Variants in WWTR1 observed in about 807,000 individuals in gnomAD.
WWTR1 encodes WW domain-containing transcription regulator protein 1.
WWTR1 carries 13 observed loss-of-function variants against 40.1 expected under a neutral mutation model. That is an observed-to-expected ratio of 0.32 (90% CI 0.21 to 0.52). WWTR1 has a LOEUF of 0.52. Among genes scored for constraint, WWTR1 ranks in the 20% least tolerant of loss-of-function variants. The pLI is 0.97. For synonymous variants in WWTR1, 230 were observed against 210.1 expected (o/e 1.09, Z -0.82); for missense variants, 436 against 523.1 (o/e 0.83, Z 1.63).
intron 2 of WWTR1, among the ~76,000 whole-genome samples, chr3:149,647,507 G>A (rs1030958882): frequency 2.0e-5 from 3 of 152,094 alleles, no homozygotes; most frequent in Non-Finnish European, 4.4e-5. Flanking sequence ...AGAAAGTACC[G>A]AAAACCACAA....
intron 2 of WWTR1, among the ~76,000 whole-genome samples, chr3:149,622,508 A>G (rs913172787): frequency 7.2e-6 from 1 of 138,954 alleles, no homozygotes; most frequent in Non-Finnish European, 1.6e-5. Flanking sequence ...GAAGGAAGAA[A>G]GAAAGAAAGA....
At chr3:149,545,112 A>T (rs1400779274) in intron 3 of WWTR1, among the ~76,000 whole-genome samples, 1 of 152,198 alleles carries the variant, frequency 6.6e-6, no homozygotes, top group Admixed American at 6.5e-5. Context: ...GATGCCAAAA[A>T]ACCTGAGATG....
At chr3:149,715,013 C>T (rs1045698203) in intron 5 of WWTR1, among the ~76,000 whole-genome samples, 6 of 152,036 alleles carry the variant, frequency 3.9e-5, no homozygotes, top group African/African-American at 9.7e-5. Context: ...GAAAACTCGT[C>T]GGGACACCCT....
chr3:149,615,933 C>A (rs1321676053), intron 2 of WWTR1, among the ~76,000 whole-genome samples: 1 of 151,718 alleles, frequency 6.6e-6, no homozygotes, highest in Non-Finnish European at 1.5e-5. Context: ...ATGAATCAGC[C>A]TCTCTCTGTT....
intron 3 of WWTR1, among the ~76,000 whole-genome samples, chr3:149,554,203 C>T (rs191070369): frequency 4.6e-5 from 7 of 152,214 alleles, no homozygotes; most frequent in East Asian, 1.9e-4. Context: ...ATTTCTCAGC[C>T]GGCTCAGTTG....
rs141347347 is a variant in WWTR1, at chr3:149,559,155, G to A, written c.568+13709C>T. ...CTAAAAATACAAAAATTTGCCAGGC[G>A]TAGTGGCACACACCTGTAGTCCCAG... is the stretch of plus-strand genomic sequence containing the variant. On this transcript the variant is annotated intron_variant, in intron 3 of 6. Transcript: ENST00000360632. Among the ~76,000 whole-genome samples the A allele has an allele frequency of 8.6e-3, 1,302 of 151,900 alleles. 9 individuals are homozygous for A. The highest frequency in any genetic ancestry group is 0.013 in the Non-Finnish European group (888 of 67,924).
Position 149,588,462 on chromosome 3 carries a change from C to T in WWTR1, c.432-15462G>A, listed in dbSNP as rs145344259. Among the ~76,000 whole-genome samples, 952 of 152,208 alleles carry T rather than the reference C, an allele frequency of 6.3e-3. 1 individual carries two copies. The highest frequency in any genetic ancestry group is 0.011 in the Non-Finnish European group (727 of 68,002). ...AATGTATGCTTAAGGATGTCCACAG[C>T]GGTTTTGTTTCTATCTTTAGTGTAT... is the stretch of plus-strand genomic sequence containing the variant. On this transcript the variant is annotated intron_variant, in intron 2 of 6. Coordinates refer to ENST00000360632, the MANE Select transcript of WWTR1 (RefSeq NM_015472.6).
At chr3:149,722,085 C>A (rs1294302932) in intron 4 of WWTR1, among the ~76,000 whole-genome samples, 1 of 152,092 alleles carries the variant, frequency 6.6e-6, no homozygotes, top group African/African-American at 2.4e-5. Context: ...AATGTCCCCA[C>A]TTTAATTTCT....
intron 2 of WWTR1, among the ~76,000 whole-genome samples, chr3:149,642,493 C>T (rs115844960): frequency 0.057 from 8,464 of 149,364 alleles, 575 homozygotes; most frequent in African/African-American, 0.17. Context: ...AAGAGAAATC[C>T]GGCCGGGCAC....
At position 149,600,234 on chromosome 3, in the gene WWTR1, G is replaced by A. The variant is rs1739183143; in HGVS notation, c.432-27234C>T. On this transcript the variant is annotated intron_variant, in intron 2 of 6. Transcript: ENST00000360632. ...ACACAGTGTAATCAAATGGGGCAAGGGCCTATTAATAATAATCTCTTCAAG... is the reference window on the plus strand; with the variant it reads ...ACACAGTGTAATCAAATGGGGCAAGAGCCTATTAATAATAATCTCTTCAAG... 2.0e-5 allele frequency among the ~76,000 whole-genome samples: 3 copies of A among 152,034 alleles called. No individual in the cohort carries two copies. In the South Asian group the frequency reaches 6.2e-4, roughly 32 times the overall value.
chr3:149,520,769 AAG>A lies in WWTR1; in HGVS notation c.*34_*35del. On this transcript the variant is annotated 3_prime_UTR_variant, in exon 7 of 7. Transcript: ENST00000360632. ...TTTTTCCAAGAGGCCCAGGAAATGTAAGGTCATGGCTACATCCAAGTTACAAT... is the reference window on the plus strand; with the variant it reads ...TTTTTCCAAGAGGCCCAGGAAATGTAGTCATGGCTACATCCAAGTTACAAT... 2 of 1,478,006 alleles carry A rather than the reference AAG, an allele frequency of 1.4e-6. No homozygotes were observed. Among genetic ancestry groups the A allele is most frequent in the Non-Finnish European group, 1.8e-6 (2 of 1,114,800 alleles). The allele number at this position is 1,478,006 out of a possible 1,614,324, so 91.6% of individuals were successfully genotyped here. A position where few individuals can be genotyped will look rare whatever the true frequency, so the allele number is the denominator to read the frequency against.
rs1026512044 is a variant in WWTR1, at chr3:149,519,232, G to A, written c.*1573C>T. On this transcript the variant is annotated 3_prime_UTR_variant, in exon 7 of 7. Transcript: ENST00000360632. The stretch of plus-strand genomic sequence containing the variant: ...CAGTCCTTAAAAGCTAATTAAAAAT[G>A]GTTTTGGTTACATAAGAGGTATTGA... 6.6e-6 allele frequency: 1 copy of A among 152,126 alleles called. No individual in the cohort carries two copies. The highest frequency in any genetic ancestry group is 1.9e-4 in the East Asian group (1 of 5,198). The allele number at this position is 152,126 out of a possible 1,614,324, so 9.4% of individuals were successfully genotyped here. A position where few individuals can be genotyped will look rare whatever the true frequency, so the allele number is the denominator to read the frequency against.
chr3:149,530,012 G>A (rs1735491540), intron 4 of WWTR1, among the ~76,000 whole-genome samples: 1 of 152,156 alleles, frequency 6.6e-6, no homozygotes, highest in Non-Finnish European at 1.5e-5. Context: ...TGAGATGGCT[G>A]CATTCCTTTG....
At chr3:149,559,324 GA>G (rs1187584821) in intron 3 of WWTR1, among the ~76,000 whole-genome samples, 4 of 140,132 alleles carry the variant, frequency 2.9e-5, no homozygotes, top group African/African-American at 5.3e-5. Flanking sequence ...GAAAAGAAAA[GA>G]AAAAAGAAAA....
At chr3:149,665,535 C>G (rs1713782650) in intron 2 of WWTR1, among the ~76,000 whole-genome samples, 1 of 151,890 alleles carries the variant, frequency 6.6e-6, no homozygotes, top group Non-Finnish European at 1.5e-5. Flanking sequence ...CAGAAATTTC[C>G]TAAATATTTA....
chr3:149,680,382 C>G (rs1714416331), intron 1 of WWTR1, among the ~76,000 whole-genome samples: 1 of 151,972 alleles, frequency 6.6e-6, no homozygotes, highest in Admixed American at 6.6e-5. Context: ...TGTCTCTACT[C>G]AAAATACAAA....
chr3:149,526,206 A>G, intron 5 of WWTR1, 81 bp from the exon 6 acceptor site: 2 of 1,063,436 alleles, frequency 1.9e-6, no homozygotes, highest in Non-Finnish European at 1.3e-6. Context: ...CAAAAGCTCT[A>G]AACTAGTGCA....
intron 2 of WWTR1, among the ~76,000 whole-genome samples, chr3:149,588,344 A>G (rs1218067261): frequency 7.9e-5 from 12 of 152,202 alleles, no homozygotes; most frequent in Non-Finnish European, 5.9e-5. Context: ...TGAGTTCCTT[A>G]ATTCAGATTT....
Position 149,519,963 on chromosome 3 carries a change from C to G in WWTR1, c.*842G>C, listed in dbSNP as rs1318243273. 1.8e-5 allele frequency: 2 copies of G among 112,940 alleles called. No individual in the cohort carries two copies. The highest frequency in any genetic ancestry group is 1.8e-4 in the Admixed American group (2 of 11,210). The allele number at this position is 112,940 out of a possible 1,614,324, so 7.0% of individuals were successfully genotyped here. A position where few individuals can be genotyped will look rare whatever the true frequency, so the allele number is the denominator to read the frequency against. On this transcript the variant is annotated 3_prime_UTR_variant, in exon 7 of 7. Transcript: ENST00000360632. ...GATCTCAAAAACAAACAAACAACAT[C>G]AAGAAAAAAAAAAACCATCAGATTC...
Sources: allele counts gnomAD v4.1 joint callset (sites outside exome capture counted in the v4.1 genomes callset), GRCh38; gene constraint gnomAD v4.1.1; transcripts MANE v1.5; gene names NCBI Gene and HGNC (gene_info 2026-07-23, HGNC 2026-07-21).